The following SMYD3 variants were observed in gnomAD, a reference collection of about 807,000 sequenced individuals.
The protein encoded by SMYD3 is SET and MYND domain containing 3, also known as histone-lysine N-methyltransferase SMYD3.
In SMYD3, 36 loss-of-function variants were observed where a neutral mutation model predicts 57.7. That is an observed-to-expected ratio of 0.62 (90% CI 0.48 to 0.82). The LOEUF is 0.82. Among genes scored for constraint, SMYD3 ranks in the 40% least tolerant of loss-of-function variants. The probability of loss-of-function intolerance (pLI) is 0.00; values close to 1 mark genes in which losing one functional copy is unlikely to be tolerated. For synonymous variants in SMYD3, 211 were observed against 195.0 expected (o/e 1.08, Z -0.68); for missense variants, 515 against 538.8 (o/e 0.96, Z 0.44).
intron 5 of SMYD3, among the ~76,000 whole-genome samples, chr1:246,003,137 G>A (rs1369546130): frequency 1.3e-5 from 2 of 152,218 alleles, no homozygotes; most frequent in African/African-American, 2.4e-5. Flanking sequence ...GTAAAGGGGC[G>A]AAGAAATGCC....
chr1:246,058,771 A>G (rs2060198738), intron 5 of SMYD3, among the ~76,000 whole-genome samples: 1 of 152,194 alleles, frequency 6.6e-6, no homozygotes, highest in Non-Finnish European at 1.5e-5. Context: ...ATTGTTGGAA[A>G]TTTTCAAAAT....
At chr1:246,109,167 C>G (rs1195971563) in intron 5 of SMYD3, among the ~76,000 whole-genome samples, 2 of 149,644 alleles carry the variant, frequency 1.3e-5, no homozygotes, top group Non-Finnish European at 2.9e-5. Flanking sequence ...TGATAAAAAT[C>G]TGATGAATGA....
At chr1:246,046,267 C>T (rs1572939291) in intron 5 of SMYD3, among the ~76,000 whole-genome samples, 1 of 152,134 alleles carries the variant, frequency 6.6e-6, no homozygotes, top group East Asian at 1.9e-4. Flanking sequence ...AAATGTGGCA[C>T]ATATACACCA....
intron 5 of SMYD3, among the ~76,000 whole-genome samples, chr1:246,200,742 CAT>C (rs759204627): frequency 7.3e-6 from 1 of 137,788 alleles, no homozygotes; most frequent in African/African-American, 2.7e-5. Context: ...TTTTGCTTTT[CAT>C]ATATATGATT....
At chr1:246,400,730 T>C (rs989636613) in intron 1 of SMYD3, among the ~76,000 whole-genome samples, 1 of 152,158 alleles carries the variant, frequency 6.6e-6, no homozygotes, top group Non-Finnish European at 1.5e-5. Flanking sequence ...TTGAGATATT[T>C]TTCTAAGAGA....
At chr1:246,002,956 C>T (rs1321491466) in intron 5 of SMYD3, among the ~76,000 whole-genome samples, 4 of 152,200 alleles carry the variant, frequency 2.6e-5, no homozygotes, top group African/African-American at 4.8e-5. Context: ...TTCGGCCTCA[C>T]TGCATGGCTC....
At chr1:245,908,710 T>C (rs1193922138) in intron 8 of SMYD3, among the ~76,000 whole-genome samples, 1 of 152,180 alleles carries the variant, frequency 6.6e-6, no homozygotes, top group Non-Finnish European at 1.5e-5. Context: ...AAATTAAACA[T>C]GCTTCTTGGG....
At chr1:246,110,488 C>G (rs2061214557) in intron 5 of SMYD3, among the ~76,000 whole-genome samples, 2 of 152,174 alleles carry the variant, frequency 1.3e-5, no homozygotes, top group African/African-American at 4.8e-5. Flanking sequence ...GCTGCTTGTT[C>G]CAGCCACTCC....
At chr1:246,088,426 G>A (rs1438585225) in intron 5 of SMYD3, among the ~76,000 whole-genome samples, 2 of 149,316 alleles carry the variant, frequency 1.3e-5, no homozygotes, top group African/African-American at 2.5e-5. Flanking sequence ...TGGCTAACAC[G>A]GTGAAACCCC....
intron 10 of SMYD3, among the ~76,000 whole-genome samples, chr1:245,831,968 A>C (rs1182582398): frequency 5.3e-5 from 8 of 152,230 alleles, no homozygotes; most frequent in African/African-American, 1.9e-4. Context: ...TGAGTAACAG[A>C]TATCAGTTTC....
chr1:246,394,444 A>T (rs1212701289), intron 1 of SMYD3, among the ~76,000 whole-genome samples: 1 of 152,246 alleles, frequency 6.6e-6, no homozygotes, highest in African/African-American at 2.4e-5. Context: ...TACAATGTAA[A>T]CATACAGCAG....
At chr1:246,408,543 G>A (rs1189843104) in intron 1 of SMYD3, among the ~76,000 whole-genome samples, 1 of 151,990 alleles carries the variant, frequency 6.6e-6, no homozygotes, top group Non-Finnish European at 1.5e-5. Flanking sequence ...CCAGCTTTCT[G>A]GTGAGGGAAT....
intron 1 of SMYD3, among the ~76,000 whole-genome samples, chr1:246,399,564 G>A (rs757041581): frequency 2.0e-5 from 3 of 151,814 alleles, no homozygotes; most frequent in East Asian, 1.9e-4. Flanking sequence ...AGCCGGTCTC[G>A]AACTCCTGGG....
intron 1 of SMYD3, among the ~76,000 whole-genome samples, chr1:246,451,765 A>G (rs937568130): frequency 2.6e-5 from 4 of 152,230 alleles, no homozygotes; most frequent in Middle Eastern, 3.2e-3. Flanking sequence ...TGTGCTACGC[A>G]CTCAATTTTG....
At chr1:246,215,545 C>T (rs942551181) in intron 5 of SMYD3, among the ~76,000 whole-genome samples, 2 of 152,048 alleles carry the variant, frequency 1.3e-5, no homozygotes, top group African/African-American at 4.8e-5. Context: ...CAGTAATGGG[C>T]AGTAACATTA....
chr1:246,438,419 A>G (rs2067413019), intron 1 of SMYD3, among the ~76,000 whole-genome samples: 1 of 152,190 alleles, frequency 6.6e-6, no homozygotes, highest in Non-Finnish European at 1.5e-5. Flanking sequence ...GATAAGAGAC[A>G]AGTGGAGTAA....
intron 5 of SMYD3, among the ~76,000 whole-genome samples, chr1:246,324,167 C>T (rs2065297759): frequency 6.6e-6 from 1 of 152,110 alleles, no homozygotes; most frequent in Non-Finnish European, 1.5e-5. Context: ...GTAATCCCAG[C>T]ACGTTGGGAG....
At chr1:246,321,729 C>T (rs989604091) in intron 5 of SMYD3, 4 of 152,022 alleles carry the variant, frequency 2.6e-5, no homozygotes, top group Admixed American at 6.6e-5. Context: ...ATCAGTACAC[C>T]GAATCACAGC....
intron 10 of SMYD3, among the ~76,000 whole-genome samples, chr1:245,853,241 A>T (rs1934577): frequency 0.97 from 147,599 of 152,232 alleles, 71,601 homozygotes; most frequent in Non-Finnish European, 0.99. Flanking sequence ...ATGAGCATGG[A>T]TTAGGAAAAG....
Sources: allele counts gnomAD v4.1 joint callset (sites outside exome capture counted in the v4.1 genomes callset), GRCh38; gene constraint gnomAD v4.1.1; transcripts MANE v1.5; gene names NCBI Gene and HGNC (gene_info 2026-07-23, HGNC 2026-07-21).